H1-8: variants seen among roughly 807,000 people sequenced by gnomAD.
H1-8 encodes the protein H1.8 linker histone.
In H1-8, 13 loss-of-function variants were observed where a neutral mutation model predicts 19.5. The ratio of observed to expected loss-of-function variants is 0.67; its 90% CI spans 0.43 to 1.06. The LOEUF (loss-of-function observed/expected upper bound fraction) is 1.06. Among genes scored for constraint, H1-8 ranks in the 50% least tolerant of loss-of-function variants. H1-8 has a pLI of 0.00. For synonymous variants in H1-8, 193 were observed against 187.6 expected (o/e 1.03, Z -0.24); for missense variants, 432 against 459.8 (o/e 0.94, Z 0.55).
chr3:129,548,603 A>C (rs1560051998), intron 2 of H1-8: 2 of 726,154 alleles, frequency 2.8e-6, no homozygotes, highest in Admixed American at 1.1e-4. Context: ...AGATGAGAAG[A>C]CGTGGCTGTG....
In H1-8 at chr3:129,548,305, G is replaced by A. The variant is rs553192502; in HGVS notation, c.378+625G>A. ...GAACATTCTCAGCCTACCCCAAGCC[G>A]GTCCCTGTGGTTACCTGGTGACAGA... On this transcript the variant is annotated intron_variant, in intron 2 of 4. Coordinates refer to ENST00000324382, the MANE Select transcript of H1-8 (RefSeq NM_153833.3). 1.0e-4 allele frequency: 103 copies of A among 985,446 alleles called. No individual in the cohort carries two copies. The Admixed American group carries it at 1.5e-3, about 15-fold the overall frequency. The allele number at this position is 985,446 out of a possible 1,614,324, so 61.0% of individuals were successfully genotyped here. A position where few individuals can be genotyped will look rare whatever the true frequency, so the allele number is the denominator to read the frequency against.
chr3:129,550,483 G>T (rs1211977805), intron 3 of H1-8, among the ~76,000 whole-genome samples: 1 of 152,188 alleles, frequency 6.6e-6, no homozygotes, highest in Non-Finnish European at 1.5e-5. Flanking sequence ...CGTTGGCTTT[G>T]GTGGGCTTGG....
chr3:129,549,287 A>T lies in H1-8; in HGVS notation c.665A>T (p.Asp222Val), dbSNP rs1203824490. The part of the protein sequence containing the change: ...GEARKVPPKP[D>V]KAMRAPSSAG... ...GCTAGGAAGGTGCCCCCCAAGCCAG[A>T]CAAGGCCATGCGGGCACCTTCCAGT... The change falls in exon 3 of 5, where the codon GAC becomes GTC. Residue 222 changes from aspartate (D) to valine (V), a missense_variant. By Grantham distance (152) the Asp-to-Val change is radical. Transcript: ENST00000324382. 1.3e-6 allele frequency: 2 copies of T among 1,589,186 alleles called. No homozygotes were observed. The highest frequency in any genetic ancestry group is 2.3e-5 in the South Asian group (2 of 87,222).
intron 1 of H1-8, among the ~76,000 whole-genome samples, chr3:129,544,778 C>T (rs2084875915): frequency 6.6e-6 from 1 of 151,996 alleles, no homozygotes; most frequent in Non-Finnish European, 1.5e-5. Context: ...AGCCCTGTAG[C>T]ACTGCAGCTG....
Position 129,549,250 on chromosome 3 carries a change from C to A in H1-8, c.628C>A (p.Gln210Lys). ...QGGAAKDTRA[Q>K]SGEARKVPPK... ...CGGCGCGGCCAAGGACACCAGGGCA[C>A]AGTCGGGAGAGGCTAGGAAGGTGCC... Residue 210 changes from glutamine to lysine, a missense_variant, in exon 3 of 5, where the codon CAG becomes AAG. Gln to Lys is a moderately conservative substitution (Grantham distance 53, BLOSUM62 1). Transcript: ENST00000324382. The A allele has an allele frequency of 6.3e-7, 1 of 1,591,714 alleles. No individual in the cohort carries two copies. Among genetic ancestry groups the A allele is most frequent in the Non-Finnish European group, 8.5e-7 (1 of 1,170,254 alleles).
At chr3:129,543,381 G>C (rs905162298) in intron 1 of H1-8, 75 bp downstream of exon 1, 7 of 1,089,974 alleles carry the variant, frequency 6.4e-6, no homozygotes, top group Non-Finnish European at 9.6e-6. Flanking sequence ...CTCCACCCCT[G>C]CTTCTCGTTC....
chr3:129,549,429 C>A (rs1465159150), intron 3 of H1-8, 65 bp downstream of exon 3: 1 of 1,425,114 alleles, frequency 7.0e-7, no homozygotes. Flanking sequence ...GGAGCGGGGG[C>A]GGGGAGCCAG....
intron 1 of H1-8, among the ~76,000 whole-genome samples, chr3:129,546,156 A>AATAATAATAATG (rs2084887317): frequency 1.4e-5 from 2 of 138,698 alleles, no homozygotes; most frequent in African/African-American, 6.3e-5. Context: ...TAATAATAAT[A>AATAATAATAATG]ATGATAATAA....
intron 2 of H1-8, 31 bp from the exon 3 acceptor site, chr3:129,548,970 G>A (rs1578291065): frequency 1.1e-5 from 17 of 1,564,968 alleles, no homozygotes; most frequent in Admixed American, 1.9e-5. Context: ...CTGAGGCTCT[G>A]CTTTCAGCCC....
At chr3:129,543,955 C>G (rs746799088) in intron 1 of H1-8, among the ~76,000 whole-genome samples, 1 of 152,064 alleles carries the variant, frequency 6.6e-6, no homozygotes, top group Non-Finnish European at 1.5e-5. Context: ...GTGCCTCAGC[C>G]GGGGGAAGTG....
Position 129,551,159 on chromosome 3 carries a change from A to G in H1-8, c.860A>G (p.Lys287Arg). The G allele has an allele frequency of 1.2e-6, 2 of 1,614,254 alleles. No homozygotes were observed. The highest frequency in any genetic ancestry group is 1.7e-6 in the Non-Finnish European group (2 of 1,180,046). Reference sequence around the variant, plus strand: ...AAAAAGAAGGTGGTGGCCAAGGCCAAGGCCCCTAAAGCTGGGCAGGGGCCA... The same window carrying G: ...AAAAAGAAGGTGGTGGCCAAGGCCAGGGCCCCTAAAGCTGGGCAGGGGCCA... ...PTKKKVVAKA[K>R]APKAGQGPNT... The change falls in exon 5 of 5, where the codon AAG becomes AGG. Residue 287 changes from lysine (K) to arginine (R), a missense_variant. Coordinates refer to ENST00000324382, the MANE Select transcript of H1-8 (RefSeq NM_153833.3).
At chr3:129,545,866 G>GA (rs2084882690) in intron 1 of H1-8, among the ~76,000 whole-genome samples, 1 of 152,190 alleles carries the variant, frequency 6.6e-6, no homozygotes, top group East Asian at 1.9e-4. Context: ...TCCATCTTTG[G>GA]GCCGACATGA....
chr3:129,543,633 C>G (rs2084868113), intron 1 of H1-8, among the ~76,000 whole-genome samples: 1 of 152,232 alleles, frequency 6.6e-6, no homozygotes, highest in Non-Finnish European at 1.5e-5. Context: ...CAGGCTGCAG[C>G]TGTGGGCAGC....
At chr3:129,546,748 C>T (rs145991825) in intron 1 of H1-8, among the ~76,000 whole-genome samples, 1 of 152,248 alleles carries the variant, frequency 6.6e-6, no homozygotes, top group African/African-American at 2.4e-5. Flanking sequence ...TTCTTTCCCC[C>T]CTTATTTGTG....
rs764180917 is a variant in H1-8, at chr3:129,549,073, G to A, written c.451G>A (p.Glu151Lys). ...CGCGACGGCTCCCAGGAGAGCGGGT[G>A]AGGCCAAGGGGAAGGGCCCCAAGAA... ...APATAPRRAGEAKGKGPKKPS... is the reference protein window; with the variant it reads ...APATAPRRAGKAKGKGPKKPS... Residue 151 changes from glutamate to lysine, a missense_variant, in exon 3 of 5, where the codon GAG (glutamate) becomes AAG (lysine). Physicochemically the swap from Glu to Lys is moderately conservative, Grantham distance 56 (BLOSUM62 1). Coordinates refer to ENST00000324382, the MANE Select transcript of H1-8 (RefSeq NM_153833.3). 3.1e-6 allele frequency: 5 copies of A among 1,611,914 alleles called. No homozygotes were observed. Among genetic ancestry groups the A allele is most frequent in the Middle Eastern group, 1.7e-4 (1 of 6,054 alleles).
intron 1 of H1-8, among the ~76,000 whole-genome samples, chr3:129,544,753 C>T (rs193191218): frequency 5.3e-5 from 8 of 152,044 alleles, no homozygotes; most frequent in Admixed American, 2.6e-4. Flanking sequence ...TCAGGCCAAG[C>T]GAAGACCCTT....
At chr3:129,546,183 G>A (rs1026036191) in intron 1 of H1-8, among the ~76,000 whole-genome samples, 1 of 151,256 alleles carries the variant, frequency 6.6e-6, no homozygotes, top group Non-Finnish European at 1.5e-5. Flanking sequence ...CATTAGCCAG[G>A]CGTGGTGGTG....
intron 3 of H1-8, among the ~76,000 whole-genome samples, chr3:129,550,145 C>G (rs2084923024): frequency 6.6e-6 from 1 of 152,142 alleles, no homozygotes; most frequent in Non-Finnish European, 1.5e-5. Context: ...TCCTCTCTCT[C>G]TTTTAGAGAC....
chr3:129,547,691 CT>C lies in H1-8; in HGVS notation c.378+12del, dbSNP rs1283783852. On this transcript the variant is annotated intron_variant, in intron 2 of 4. Transcript: ENST00000324382. Reference sequence around the variant, plus strand: ...ACTGGCAGCTTCAAAGTAAGCGCCCCTGAGGGAGGACATAGCCCAGGGTTGG... The same window carrying C: ...ACTGGCAGCTTCAAAGTAAGCGCCCCGAGGGAGGACATAGCCCAGGGTTGG... The C allele has an allele frequency of 3.3e-6, 5 of 1,532,922 alleles. No individual in the cohort carries two copies. Among genetic ancestry groups the C allele is most frequent in the Non-Finnish European group, 4.4e-6 (5 of 1,144,218 alleles). The allele number at this position is 1,532,922 out of a possible 1,614,324, so 95.0% of individuals were successfully genotyped here.
Sources: allele counts gnomAD v4.1 joint callset (sites outside exome capture counted in the v4.1 genomes callset), GRCh38; gene constraint gnomAD v4.1.1; transcripts MANE v1.5; gene names NCBI Gene and HGNC (gene_info 2026-07-23, HGNC 2026-07-21).